Variants in DGKG observed in about 807,000 individuals in gnomAD.
DGKG encodes diacylglycerol kinase gamma.
A neutral mutation model predicts 105.3 loss-of-function variants in DGKG; 78 were observed. The ratio of observed to expected loss-of-function variants is 0.74; its 90% CI spans 0.62 to 0.89. The LOEUF is 0.89. DGKG is among the 40% of genes least tolerant of loss of function. The pLI is 0.00. For missense variants in DGKG, 958 were observed against 1,020.1 expected, an observed-to-expected ratio of 0.94 and a Z score of 0.83; for synonymous variants, 346 against 367.1, an observed-to-expected ratio of 0.94 and a Z score of 0.66.
chr3:186,358,613 A>T (rs1727089841), intron 1 of DGKG, among the ~76,000 whole-genome samples: 2 of 147,218 alleles, frequency 1.4e-5, no homozygotes, highest in Non-Finnish European at 3.0e-5. Context: ...GTATAACTTT[A>T]TTTTTAAATT....
At chr3:186,347,463 A>G (rs1458867803) in intron 1 of DGKG, among the ~76,000 whole-genome samples, 1 of 151,594 alleles carries the variant, frequency 6.6e-6, no homozygotes, top group Non-Finnish European at 1.5e-5. Context: ...AAAAAAAAAA[A>G]AAAAAAAGGA....
chr3:186,200,364 T>C (rs148511411), intron 21 of DGKG, among the ~76,000 whole-genome samples: 1 of 152,278 alleles, frequency 6.6e-6, no homozygotes, highest in Non-Finnish European at 1.5e-5. Flanking sequence ...AAGTGCTGTC[T>C]AGGGAAGAAG....
At chr3:186,201,453 C>T (rs1718457028) in intron 21 of DGKG, among the ~76,000 whole-genome samples, 2 of 152,210 alleles carry the variant, frequency 1.3e-5, no homozygotes, top group Non-Finnish European at 2.9e-5. Flanking sequence ...TCTGCCCACT[C>T]ACTGTCTTAA....
chr3:186,219,068 A>G lies in DGKG; in HGVS notation c.1827-7183T>C, dbSNP rs150204678. Among the ~76,000 whole-genome samples, 109 of 151,020 alleles carry G rather than the reference A, an allele frequency of 7.2e-4. 2 individuals carry two copies. In the East Asian group the frequency reaches 0.02, roughly 27 times the overall value. ...TTAGTAATAATATTGACAGTACTTT[A>G]CCTGTTAACATTTTACATTACTTGA... On this transcript the variant is annotated intron_variant, in intron 20 of 24. Transcript: ENST00000265022.
intron 3 of DGKG, among the ~76,000 whole-genome samples, 163 bp from the exon 4 acceptor site, chr3:186,298,392 G>A (rs539170363): frequency 7.2e-5 from 11 of 152,318 alleles, no homozygotes; most frequent in African/African-American, 2.6e-4. Flanking sequence ...CCAGGGAAGT[G>A]ATAGACAATG....
chr3:186,310,885 T>C (rs1355128942), intron 2 of DGKG, among the ~76,000 whole-genome samples: 1 of 152,236 alleles, frequency 6.6e-6, no homozygotes, highest in Non-Finnish European at 1.5e-5. Context: ...TACCCTCTAA[T>C]GTAATAATTA....
intron 1 of DGKG, among the ~76,000 whole-genome samples, chr3:186,341,451 A>G (rs983926764): frequency 1.3e-5 from 2 of 152,246 alleles, no homozygotes; most frequent in Non-Finnish European, 2.9e-5. Context: ...GTTCAAGACC[A>G]ACCTGGGCAA....
intron 11 of DGKG, 41 bp downstream of exon 11, chr3:186,272,214 G>A (rs1441438367): frequency 6.8e-7 from 1 of 1,468,534 alleles, no homozygotes; most frequent in East Asian, 2.3e-5. Context: ...ATGTTTCCTG[G>A]ATGAGGCATG....
In DGKG at chr3:186,203,485, T is replaced by C. The variant is rs192420962; in HGVS notation, c.1917+8310A>G. 3.9e-4 allele frequency among the ~76,000 whole-genome samples: 59 copies of C among 152,216 alleles called. No individual in the cohort carries two copies. The highest frequency in any genetic ancestry group is 6.8e-3 in the Middle Eastern group (2 of 294). Reference sequence around the variant, plus strand: ...TCGGGAAAAGAGGTTAGCCCACATATTAGGAGTAGCGGAAAGAAACCGATT... The same window carrying C: ...TCGGGAAAAGAGGTTAGCCCACATACTAGGAGTAGCGGAAAGAAACCGATT... On this transcript the variant is annotated intron_variant, in intron 21 of 24. Coordinates refer to ENST00000265022, the MANE Select transcript of DGKG (RefSeq NM_001346.3). The surrounding 1 kb of genome is among the most constrained non-coding windows in gnomAD (Gnocchi z 4.9).
chr3:186,214,891 C>G lies in DGKG; in HGVS notation c.1827-3006G>C, dbSNP rs560528894. 5.3e-5 allele frequency among the ~76,000 whole-genome samples: 8 copies of G among 152,288 alleles called. No individual in the cohort carries two copies. The South Asian group carries it at 1.5e-3, about 28-fold the overall frequency. ...AAGAACCAGGCACCAGAGTTCATAG[C>G]TGGAGGGACACCCAATTCTTAGAAG... is the stretch of plus-strand genomic sequence containing the variant. On this transcript the variant is annotated intron_variant, in intron 20 of 24. Coordinates refer to ENST00000265022, the MANE Select transcript of DGKG (RefSeq NM_001346.3).
chr3:186,287,100 A>G (rs1723106560), intron 6 of DGKG, among the ~76,000 whole-genome samples: 1 of 151,948 alleles, frequency 6.6e-6, no homozygotes. Context: ...GATCCAAAAG[A>G]TTAAAAGAGA....
chr3:186,341,483 G>A (rs980199380), intron 1 of DGKG, among the ~76,000 whole-genome samples: 15 of 152,068 alleles, frequency 9.9e-5, no homozygotes, highest in African/African-American at 2.4e-5. Flanking sequence ...CACCAACTCA[G>A]AAATAAAATA....
In DGKG at chr3:186,320,527, C is replaced by A. The variant is rs572438737; in HGVS notation, c.-68G>T. 6.2e-7 allele frequency: 1 copy of A among 1,612,902 alleles called. No individual in the cohort carries two copies. The highest frequency in any genetic ancestry group is 8.5e-7 in the Non-Finnish European group (1 of 1,179,296). On this transcript the variant is annotated 5_prime_UTR_variant, in exon 2 of 25. Coordinates refer to ENST00000265022, the MANE Select transcript of DGKG (RefSeq NM_001346.3). The stretch of plus-strand genomic sequence containing the variant: ...TTGTTCACTAGGCTGAAGTGGAGGC[C>A]CAGCCCAGGGCCTGGCTCATTGCAG...
At position 186,326,391 on chromosome 3, in the gene DGKG, A is replaced by T. The variant is rs532098021; in HGVS notation, c.-248-5684T>A. Among the ~76,000 whole-genome samples, 506 of 150,468 alleles carry T rather than the reference A, an allele frequency of 3.4e-3. 9 individuals are homozygous for T. The highest frequency in any genetic ancestry group is 0.012 in the African/African-American group (472 of 40,400). On this transcript the variant is annotated intron_variant, in intron 1 of 24. Transcript: ENST00000265022. ...TCCAGCCTGGGTGACAGAGTGAGACACTGTCTTAAAAAAAAAATAGATGTA... is the reference window on the plus strand; with the variant it reads ...TCCAGCCTGGGTGACAGAGTGAGACTCTGTCTTAAAAAAAAAATAGATGTA...
intron 1 of DGKG, among the ~76,000 whole-genome samples, chr3:186,329,575 T>C (rs142625112): frequency 6.5e-4 from 99 of 152,274 alleles, no homozygotes; most frequent in African/African-American, 2.3e-3. Flanking sequence ...CATTTGAAGG[T>C]TTATTACAAA....
At position 186,360,090 on chromosome 3, in the gene DGKG, A is replaced by T. The variant is rs552260387; in HGVS notation, c.-249+1856T>A. ...TCCTCGCAGAGGCTCACACATGCAC[A>T]GCCTGGGCCTCTGGGAGTGTCCGGG... On this transcript the variant is annotated intron_variant, in intron 1 of 24. Coordinates refer to ENST00000265022, the MANE Select transcript of DGKG (RefSeq NM_001346.3). 3.3e-5 allele frequency among the ~76,000 whole-genome samples: 5 copies of T among 152,214 alleles called. No homozygotes were observed. In the East Asian group the frequency reaches 9.6e-4, roughly 29 times the overall value.
chr3:186,161,399 C>T, intron 24 of DGKG: 1 of 1,413,204 alleles, frequency 7.1e-7, no homozygotes, highest in Non-Finnish European at 9.2e-7. Context: ...ACCGGCGCTT[C>T]ACAGTGTCTG....
intron 6 of DGKG, among the ~76,000 whole-genome samples, chr3:186,287,569 CCTT>C (rs537179434): frequency 2.2e-4 from 33 of 152,182 alleles, no homozygotes; most frequent in Non-Finnish European, 3.1e-4. Context: ...AAATCTGTCA[CCTT>C]CTCTTTGGTA....
rs114584417 is a variant in DGKG, at chr3:186,189,194, C to G, written c.1918-815G>C. Among the ~76,000 whole-genome samples, 368 of 152,366 alleles carry G rather than the reference C, an allele frequency of 2.4e-3. 2 individuals carry two copies. Among genetic ancestry groups the G allele is most frequent in the African/African-American group, 8.3e-3 (345 of 41,582 alleles). On this transcript the variant is annotated intron_variant, in intron 21 of 24. Transcript: ENST00000265022. ...TTAAGCTTTGGAAGGCTTTCAGAAT[C>G]TGCCTGTCTCCTGTATCTGTATCAT...
Sources: allele counts gnomAD v4.1 joint callset (sites outside exome capture counted in the v4.1 genomes callset), GRCh38; gene constraint gnomAD v4.1.1; non-coding constraint Gnocchi (gnomAD v3.1); transcripts MANE v1.5; gene names NCBI Gene and HGNC (gene_info 2026-07-23, HGNC 2026-07-21).